PRKG1: variants seen among roughly 807,000 people sequenced by gnomAD.
The protein encoded by PRKG1 is cGMP-dependent protein kinase 1.
A neutral mutation model predicts 88.1 loss-of-function variants in PRKG1; 35 were observed. The ratio of observed to expected loss-of-function variants is 0.40; its 90% CI spans 0.30 to 0.53. The LOEUF (loss-of-function observed/expected upper bound fraction) is 0.53. Ranked by LOEUF, PRKG1 falls within the 20% of genes least tolerant of loss-of-function variation. PRKG1 has a pLI of 0.59. For synonymous variants in PRKG1, 303 were observed against 292.5 expected, an observed-to-expected ratio of 1.04 and a Z score of -0.37; for missense variants, 540 against 839.8, an observed-to-expected ratio of 0.64 and a Z score of 4.41.
chr10:52,037,357 A>G lies in PRKG1; in HGVS notation c.763-17127A>G, dbSNP rs557521150. On this transcript the variant is annotated intron_variant, in intron 5 of 17. Coordinates refer to ENST00000373980, the MANE Select transcript of PRKG1 (RefSeq NM_006258.4). ...AGGCAAGGAATTGCAACATTTTTCT[A>G]TTATTGTACACCTTGAAGGCGAGGT... Among the ~76,000 whole-genome samples, 1,278 of 152,236 alleles carry G rather than the reference A, an allele frequency of 8.4e-3. 13 individuals are homozygous for G. Among genetic ancestry groups the G allele is most frequent in the Non-Finnish European group, 0.011 (754 of 68,016 alleles).
intron 2 of PRKG1, among the ~76,000 whole-genome samples, chr10:51,182,767 G>A (rs1462162995): frequency 6.6e-6 from 1 of 152,234 alleles, no homozygotes; most frequent in African/African-American, 2.4e-5. Flanking sequence ...TCTGATGTCA[G>A]CATGCCCAGC....
chr10:51,772,758 C>T (rs1030138764), intron 3 of PRKG1, among the ~76,000 whole-genome samples: 5 of 151,928 alleles, frequency 3.3e-5, no homozygotes, highest in African/African-American at 7.2e-5. Context: ...CTCATCAACT[C>T]GGGCTAGGGG....
chr10:51,663,887 T>C (rs1355643103), intron 3 of PRKG1, among the ~76,000 whole-genome samples: 1 of 152,086 alleles, frequency 6.6e-6, no homozygotes, highest in East Asian at 1.9e-4. Flanking sequence ...AATTTTTAAT[T>C]TGTAAATTTT....
intron 1 of PRKG1, among the ~76,000 whole-genome samples, chr10:51,127,056 A>G (rs1347162828): frequency 6.6e-6 from 1 of 152,174 alleles, no homozygotes; most frequent in Admixed American, 6.5e-5. Context: ...GCATGGACAA[A>G]GATTTCATGA....
chr10:52,012,387 G>A (rs1348062339), intron 5 of PRKG1, among the ~76,000 whole-genome samples: 1 of 151,802 alleles, frequency 6.6e-6, no homozygotes, highest in African/African-American at 2.4e-5. Context: ...GACTACAGGT[G>A]CCCACCACCA....
At chr10:52,168,557 T>C (rs960099330) in intron 9 of PRKG1, among the ~76,000 whole-genome samples, 1 of 152,162 alleles carries the variant, frequency 6.6e-6, no homozygotes, top group Non-Finnish European at 1.5e-5. Context: ...ACTTCCAAGC[T>C]GGCAAATGAG....
chr10:51,693,557 A>G (rs1841203356), intron 3 of PRKG1, among the ~76,000 whole-genome samples: 1 of 151,954 alleles, frequency 6.6e-6, no homozygotes, highest in Non-Finnish European at 1.5e-5. Context: ...GCCTGCCAAC[A>G]TGCCTGGCTA....
intron 2 of PRKG1, among the ~76,000 whole-genome samples, chr10:51,323,911 C>T (rs1398674322): frequency 1.3e-5 from 2 of 152,126 alleles, no homozygotes; most frequent in Admixed American, 6.5e-5. Context: ...ATAAGCACAT[C>T]GCTGAACTCC....
At chr10:52,112,192 C>T (rs1422847272) in intron 7 of PRKG1, among the ~76,000 whole-genome samples, 2 of 152,172 alleles carry the variant, frequency 1.3e-5, no homozygotes, top group African/African-American at 4.8e-5. Flanking sequence ...TTTTCACATA[C>T]TCACTCCTAA....
chr10:51,386,355 A>T (rs1462298081), intron 2 of PRKG1, among the ~76,000 whole-genome samples: 2 of 152,160 alleles, frequency 1.3e-5, no homozygotes, highest in African/African-American at 4.8e-5. Flanking sequence ...AAAATTCCTA[A>T]GATCTGCAGT....
chr10:51,521,609 TA>T (rs1336689434), intron 3 of PRKG1, among the ~76,000 whole-genome samples: 8 of 152,224 alleles, frequency 5.3e-5, no homozygotes, highest in South Asian at 2.1e-4. Flanking sequence ...ACTTCTGAAC[TA>T]AGCTTTAACC....
At chr10:52,140,508 T>C (rs1305004701) in intron 8 of PRKG1, among the ~76,000 whole-genome samples, 1 of 152,180 alleles carries the variant, frequency 6.6e-6, no homozygotes, top group South Asian at 2.1e-4. Flanking sequence ...CTTTTTATAG[T>C]TGATTCCTGC....
In PRKG1 at chr10:51,542,794, C is replaced by T. The variant is rs147034996; in HGVS notation, c.592+74958C>T. Among the ~76,000 whole-genome samples the T allele has an allele frequency of 4.3e-3, 656 of 152,272 alleles. 7 individuals are homozygous for T. The highest frequency in any genetic ancestry group is 0.015 in the African/African-American group (631 of 41,548). On this transcript the variant is annotated intron_variant, in intron 3 of 17. Transcript: ENST00000373980. ...GAGCACCAGGCTAGCCATCTGAAGA[C>T]GGCCTTCTCTTTCTGTGTGGCCTTA... is the stretch of plus-strand genomic sequence containing the variant.
chr10:51,536,265 A>C (rs2132103401), intron 3 of PRKG1, among the ~76,000 whole-genome samples: 1 of 152,218 alleles, frequency 6.6e-6, no homozygotes, highest in South Asian at 2.1e-4. Context: ...CTGTATTAAA[A>C]ATTTTTGACT....
At chr10:51,182,031 T>A (rs977641562) in intron 2 of PRKG1, among the ~76,000 whole-genome samples, 1 of 152,248 alleles carries the variant, frequency 6.6e-6, no homozygotes, top group Non-Finnish European at 1.5e-5. Flanking sequence ...GTCTTGAGGC[T>A]CCAATTTCCC....
intron 5 of PRKG1, among the ~76,000 whole-genome samples, chr10:51,924,604 A>T (rs1461893940): frequency 6.6e-6 from 1 of 151,932 alleles, no homozygotes; most frequent in Admixed American, 6.6e-5. Context: ...AAATCATCAG[A>T]CATTTTTATT....
chr10:52,005,643 C>G (rs940241577), intron 5 of PRKG1, among the ~76,000 whole-genome samples: 3 of 152,166 alleles, frequency 2.0e-5, no homozygotes, highest in African/African-American at 7.2e-5. Flanking sequence ...GCCAGGTGAG[C>G]AATGACTGTT....
chr10:51,622,611 A>T lies in PRKG1; in HGVS notation c.592+154775A>T, dbSNP rs932343761. ...GAATGAGATACTTTGTTTATATGTG[A>T]GATAAATCAGTAAGATAAATAAGAT... On this transcript the variant is annotated intron_variant, in intron 3 of 17. Coordinates refer to ENST00000373980, the MANE Select transcript of PRKG1 (RefSeq NM_006258.4). Among the ~76,000 whole-genome samples, 12 of 152,224 alleles carry T rather than the reference A, an allele frequency of 7.9e-5. 1 individual carries two copies. The highest frequency in any genetic ancestry group is 2.1e-4 in the South Asian group (1 of 4,836).
At chr10:51,578,851 G>A (rs553477947) in intron 3 of PRKG1, among the ~76,000 whole-genome samples, 16 of 151,998 alleles carry the variant, frequency 1.1e-4, no homozygotes, top group African/African-American at 3.4e-4. Flanking sequence ...ATGTTTTAAT[G>A]AGATTGGGAC....
Sources: allele counts gnomAD v4.1 joint callset (sites outside exome capture counted in the v4.1 genomes callset), GRCh38; gene constraint gnomAD v4.1.1; transcripts MANE v1.5; gene names NCBI Gene and HGNC (gene_info 2026-07-23, HGNC 2026-07-21).